Variants in KDM2B observed in about 807,000 individuals in gnomAD.
KDM2B encodes lysine demethylase 2B.
A neutral mutation model predicts 150.0 loss-of-function variants in KDM2B; 26 were observed. That is an observed-to-expected ratio of 0.17 (90% confidence interval 0.13 to 0.24). KDM2B has a LOEUF of 0.24. Ranked by LOEUF, KDM2B falls within the 10% of genes least tolerant of loss-of-function variation. The pLI is 1.00. For missense variants in KDM2B, 1,265 were observed against 1,816.9 expected, an observed-to-expected ratio of 0.70 and a Z score of 5.52; for synonymous variants, 734 against 729.5, an observed-to-expected ratio of 1.01 and a Z score of -0.10.
intron 4 of KDM2B, among the ~76,000 whole-genome samples, chr12:121,573,670 C>T (rs548810431): frequency 4.3e-5 from 6 of 139,322 alleles, no homozygotes; most frequent in African/African-American, 7.5e-5. Flanking sequence ...CAGCAAGCTC[C>T]GCCGCCTCCC....
chr12:121,533,069 G>C lies in KDM2B; in HGVS notation c.778-110C>G. ...GAGGGGGCGAGACAAGCTGTGTGTG[G>C]GGTGGGGGGTGTGGAGAGATGGCAG... is the stretch of plus-strand genomic sequence containing the variant. On this transcript the variant is annotated intron_variant, in intron 7 of 22. Coordinates refer to ENST00000377071, the MANE Select transcript of KDM2B (RefSeq NM_032590.5). This position sits in a 1 kb window ranked among gnomAD's most constrained non-coding sequence, Gnocchi z 4.1. 9.3e-7 allele frequency: 1 copy of C among 1,072,786 alleles called. No homozygotes were observed. The highest frequency in any genetic ancestry group is 1.4e-6 in the Non-Finnish European group (1 of 733,762). 66.5% of individuals were successfully genotyped at this position (1,072,786 alleles called of 1,614,324 possible).
rs782600792 is a variant in KDM2B, at chr12:121,430,001, T to G, written c.*287A>C. 3.3e-6 allele frequency: 3 copies of G among 913,576 alleles called. No homozygotes were observed. In the African/African-American group the frequency reaches 4.9e-5, roughly 15 times the overall value. The allele number at this position is 913,576 out of a possible 1,614,324, so 56.6% of individuals were successfully genotyped here. A position where few individuals can be genotyped will look rare whatever the true frequency, so the allele number is the denominator to read the frequency against. On this transcript the variant is annotated 3_prime_UTR_variant, in exon 23 of 23. Transcript: ENST00000377071. The surrounding 1 kb of genome is among the most constrained non-coding windows in gnomAD (Gnocchi z 4.4). ...TAAGCTCATGCTTCAGTATGAGAAT[T>G]TCTCCGAAGTCCACCCTCCTCTCCG...
chr12:121,470,430 G>A (rs889510088), intron 12 of KDM2B: 25 of 152,314 alleles, frequency 1.6e-4, no homozygotes, highest in Middle Eastern at 3.4e-3. Context: ...GAAAATTAGG[G>A]AGTGGCTTTC....
At position 121,518,376 on chromosome 12, in the gene KDM2B, C is replaced by CCT. The variant is rs1886406716; in HGVS notation, c.1047+2607_1047+2608dup. On this transcript the variant is annotated intron_variant, in intron 9 of 22. Coordinates refer to ENST00000377071, the MANE Select transcript of KDM2B (RefSeq NM_032590.5). The surrounding 1 kb of genome is among the most constrained non-coding windows in gnomAD (Gnocchi z 4.4). ...AACAATTGGGCCTCGTAGCCAAGTC[C>CCT]CTCTCTCAAGACCAGAAATCAAGGC... Among the ~76,000 whole-genome samples the CCT allele has an allele frequency of 6.6e-6, 1 of 151,940 alleles. No individual in the cohort carries two copies. Among genetic ancestry groups the CCT allele is most frequent in the African/African-American group, 2.4e-5 (1 of 41,248 alleles).
chr12:121,443,202 C>A, intron 17 of KDM2B, 172 bp from the exon 18 acceptor site: 1 of 646,906 alleles, frequency 1.5e-6, no homozygotes, highest in South Asian at 1.9e-5. Context: ...GCCCTGCCTG[C>A]AGCTTTCAAG....
chr12:121,475,390 G>A (rs1008745239), intron 12 of KDM2B, among the ~76,000 whole-genome samples: 10 of 151,932 alleles, frequency 6.6e-5, no homozygotes, highest in African/African-American at 2.4e-4. Context: ...GAGAGCTTGA[G>A]ACCAGCCTGG....
At chr12:121,438,648 C>G (rs540598303) in intron 22 of KDM2B, among the ~76,000 whole-genome samples, 1 of 152,046 alleles carries the variant, frequency 6.6e-6, no homozygotes, top group South Asian at 2.1e-4. Context: ...TCCTAGGTCC[C>G]GAATGATCTC....
At chr12:121,553,341 C>A (rs1465904065) in intron 4 of KDM2B, among the ~76,000 whole-genome samples, 2 of 152,084 alleles carry the variant, frequency 1.3e-5, no homozygotes, top group Admixed American at 1.3e-4. Flanking sequence ...GTCATGTCTG[C>A]AAAGCTCCCT....
At chr12:121,578,395 C>G (rs1357881841) in intron 2 of KDM2B, among the ~76,000 whole-genome samples, 1 of 152,208 alleles carries the variant, frequency 6.6e-6, no homozygotes, top group African/African-American at 2.4e-5. Context: ...GGGGCCTTAC[C>G]CCGATGCCCC....
chr12:121,411,642 T>C, the KDM2B span, among the ~76,000 whole-genome samples: 1 of 152,224 alleles, frequency 6.6e-6, no homozygotes, highest in Non-Finnish European at 1.5e-5. Context: ...AAATAGCATG[T>C]AAAATTTTAT....
At chr12:121,557,103 G>GT (rs1889956272) in intron 4 of KDM2B, among the ~76,000 whole-genome samples, 1 of 152,014 alleles carries the variant, frequency 6.6e-6, no homozygotes, top group Non-Finnish European at 1.5e-5. Context: ...AAGGGGTACT[G>GT]TGAGTTGAAC....
chr12:121,574,433 C>T lies in KDM2B; in HGVS notation c.397+114G>A, dbSNP rs190812406. 4.6e-3 allele frequency: 4,341 copies of T among 945,506 alleles called. 16 individuals carry two copies. Among genetic ancestry groups the T allele is most frequent in the Middle Eastern group, 0.014 (65 of 4,504 alleles). The allele number at this position is 945,506 out of a possible 1,614,324, so 58.6% of individuals were successfully genotyped here. A position where few individuals can be genotyped will look rare whatever the true frequency, so the allele number is the denominator to read the frequency against. Reference sequence around the variant, plus strand: ...GCTCACACCTGCTCCTGCCTTCTCCCGTGGGGACTTTGTTTTGAGAGGCAG... The same window carrying T: ...GCTCACACCTGCTCCTGCCTTCTCCTGTGGGGACTTTGTTTTGAGAGGCAG... On this transcript the variant is annotated intron_variant, in intron 4 of 22. Transcript: ENST00000377071.
At position 121,442,884 on chromosome 12, in the gene KDM2B, G is replaced by C; in HGVS notation, c.2605-48C>G. On this transcript the variant is annotated intron_variant, in intron 18 of 22. Transcript: ENST00000377071. This position sits in a 1 kb window ranked among gnomAD's most constrained non-coding sequence, Gnocchi z 7.7. The stretch of plus-strand genomic sequence containing the variant: ...GTCAGCCTCTGGGGCTCAGGGCTGC[G>C]CCCGCCCAAGGCCTCCCGCCCCCCT... 8.4e-6 allele frequency: 13 copies of C among 1,539,934 alleles called. No homozygotes were observed. Among genetic ancestry groups the C allele is most frequent in the Non-Finnish European group, 1.1e-5 (13 of 1,147,108 alleles).
chr12:121,527,552 G>A (rs1320589472), intron 8 of KDM2B, among the ~76,000 whole-genome samples: 2 of 149,756 alleles, frequency 1.3e-5, no homozygotes, highest in Non-Finnish European at 3.0e-5. Context: ...TACTCAGGAG[G>A]CTGAAACAGG....
At chr12:121,443,614 G>A in intron 17 of KDM2B, 66 bp downstream of exon 17, 1 of 892,406 alleles carries the variant, frequency 1.1e-6, no homozygotes, top group Non-Finnish European at 1.9e-6. Flanking sequence ...CAGCGGGGTG[G>A]GGTGGGGGAC....
chr12:121,412,987 G>C, the KDM2B span, among the ~76,000 whole-genome samples: 1 of 151,560 alleles, frequency 6.6e-6, no homozygotes, highest in Admixed American at 6.6e-5. Context: ...CCAAAGTGCT[G>C]GGATTACAGG....
In KDM2B at chr12:121,574,685, G is replaced by A. The variant is rs1307660133; in HGVS notation, c.351-92C>T. 9 of 1,164,788 alleles carry A rather than the reference G, an allele frequency of 7.7e-6. No individual in the cohort carries two copies. The Admixed American group carries it at 1.2e-4, about 16-fold the overall frequency. The allele number at this position is 1,164,788 out of a possible 1,614,324, so 72.2% of individuals were successfully genotyped here. Reference sequence around the variant, plus strand: ...CCGGGGGGAAGCCATTTTTCCAAGAGAGATCCTTTCCCCTCAGTTTGGGAA... The same window carrying A: ...CCGGGGGGAAGCCATTTTTCCAAGAAAGATCCTTTCCCCTCAGTTTGGGAA... On this transcript the variant is annotated intron_variant, in intron 3 of 22. Transcript: ENST00000377071.
chr12:121,510,420 T>C (rs1885483967), intron 10 of KDM2B, among the ~76,000 whole-genome samples: 1 of 152,222 alleles, frequency 6.6e-6, no homozygotes, highest in Non-Finnish European at 1.5e-5. Context: ...GCTAGTTTTT[T>C]TTTTAAGCTT....
intron 12 of KDM2B, among the ~76,000 whole-genome samples, chr12:121,459,833 A>G (rs931939676): frequency 9.8e-5 from 14 of 143,202 alleles, no homozygotes; most frequent in African/African-American, 3.5e-4. Flanking sequence ...TCCATCTCAG[A>G]AAAAAAAAAA....
Sources: gnomAD v4.1 joint callset for allele counts (sites outside exome capture counted in the v4.1 genomes callset) on GRCh38, gnomAD v4.1.1 for gene constraint, Gnocchi (gnomAD v3.1) non-coding constraint, MANE v1.5 for transcripts, NCBI Gene and HGNC (gene_info 2026-07-23, HGNC 2026-07-21) for gene names.